CALN1: variants seen among roughly 807,000 people sequenced by gnomAD.
CALN1 encodes the protein calneuron 1.
In CALN1, 17 loss-of-function variants were observed where a neutral mutation model predicts 30.6. That is an observed-to-expected ratio of 0.56 (90% CI 0.38 to 0.83). The LOEUF (loss-of-function observed/expected upper bound fraction) is 0.83, where lower values mean the gene tolerates loss of function less well. Among genes scored for constraint, CALN1 ranks in the 40% least tolerant of loss-of-function variants. CALN1 has a pLI of 0.00. For missense variants in CALN1, 291 were observed against 354.9 expected (o/e 0.82, Z 1.45); for synonymous variants, 156 against 131.4 (o/e 1.19, Z -1.28).
intron 3 of CALN1, among the ~76,000 whole-genome samples, chr7:72,196,592 G>A (rs1207193030): frequency 6.6e-6 from 1 of 152,194 alleles, no homozygotes. Context: ...GTCATATGTA[G>A]ATTCAAATAT....
chr7:72,142,570 C>T (rs536848559), intron 3 of CALN1, among the ~76,000 whole-genome samples: 248 of 152,314 alleles, frequency 1.6e-3, no homozygotes, highest in Admixed American at 4.1e-3. Context: ...CCGAACAAAA[C>T]GCAGCAGAAA....
rs111688183 is a variant in CALN1, at chr7:71,993,948, A to G, written c.501+29709T>C. On this transcript the variant is annotated intron_variant, in intron 5 of 6. Transcript: ENST00000395275. ...AGCATTTTTACTACAAAAAATGTTG[A>G]ATTATACGACTGAAATTTAAATGTT... 3.2e-3 allele frequency among the ~76,000 whole-genome samples: 485 copies of G among 152,292 alleles called. 4 individuals are homozygous for G. The highest frequency in any genetic ancestry group is 0.011 in the African/African-American group (465 of 41,556).
chr7:72,247,973 A>C (rs1412804409), intron 3 of CALN1, among the ~76,000 whole-genome samples: 1 of 152,150 alleles, frequency 6.6e-6, no homozygotes, highest in Non-Finnish European at 1.5e-5. Flanking sequence ...CTCCAGCCTG[A>C]GCAACACAGT....
chr7:72,359,603 G>C (rs1301426981), intron 2 of CALN1, among the ~76,000 whole-genome samples: 1 of 151,958 alleles, frequency 6.6e-6, no homozygotes, highest in Non-Finnish European at 1.5e-5. Flanking sequence ...CACTATTCCT[G>C]ACAAAAAAGA....
the CALN1 span, among the ~76,000 whole-genome samples, chr7:72,488,297 G>A: frequency 1.3e-5 from 2 of 152,106 alleles, no homozygotes; most frequent in African/African-American, 4.8e-5. Flanking sequence ...CTTGAGCCCA[G>A]GAAGTTGAGG....
Position 72,235,275 on chromosome 7 carries a change from A to AAAATAAAT in CALN1, c.244+43403_244+43410dup, listed in dbSNP as rs151162451. Among the ~76,000 whole-genome samples, 1,466 of 151,634 alleles carry AAAATAAAT rather than the reference A, an allele frequency of 9.7e-3. 24 individuals are homozygous for AAAATAAAT. Among genetic ancestry groups the AAAATAAAT allele is most frequent in the African/African-American group, 0.033 (1,362 of 41,082 alleles). On this transcript the variant is annotated intron_variant, in intron 3 of 6. Coordinates refer to ENST00000395275, the MANE Select transcript of CALN1 (RefSeq NM_031468.4). ...GATGACACAGTGAGACTCTGTCTCA[A>AAAATAAAT]AAATAAATAAATAAATAAATAAATA... is the stretch of plus-strand genomic sequence containing the variant.
intron 2 of CALN1, chr7:72,336,843 C>T: frequency 1.0e-6 from 1 of 985,116 alleles, no homozygotes; most frequent in Non-Finnish European, 1.2e-6. Context: ...TCGCTCACAC[C>T]CCCAGCAGGC....
At chr7:71,977,070 G>GAGTT in intron 5 of CALN1, among the ~76,000 whole-genome samples, 1 of 152,186 alleles carries the variant, frequency 6.6e-6, no homozygotes. Flanking sequence ...GTCTGCTTAT[G>GAGTT]AGTTGACTTT....
At chr7:72,128,589 G>T (rs941394206) in intron 3 of CALN1, among the ~76,000 whole-genome samples, 1 of 152,092 alleles carries the variant, frequency 6.6e-6, no homozygotes, top group African/African-American at 2.4e-5. Flanking sequence ...TCTTAAAACG[G>T]GCCAGGTGCA....
intron 3 of CALN1, among the ~76,000 whole-genome samples, chr7:72,267,405 G>C (rs1457127909): frequency 1.3e-5 from 2 of 152,186 alleles, no homozygotes; most frequent in Non-Finnish European, 2.9e-5. Flanking sequence ...CTCTCAGTAA[G>C]GAGCACTCTG....
intron 1 of CALN1, among the ~76,000 whole-genome samples, chr7:72,428,708 TAGA>T (rs1807874919): frequency 6.6e-6 from 1 of 152,156 alleles, no homozygotes; most frequent in Non-Finnish European, 1.5e-5. Context: ...GCTAGAAAAC[TAGA>T]AGGATGGTCT....
At chr7:72,237,165 G>A (rs1017792124) in intron 3 of CALN1, among the ~76,000 whole-genome samples, 3 of 151,934 alleles carry the variant, frequency 2.0e-5, no homozygotes, top group African/African-American at 7.3e-5. Context: ...TCTATTTTTA[G>A]TAGAGACGGC....
At chr7:71,898,135 G>A (rs1266620556) in intron 5 of CALN1, among the ~76,000 whole-genome samples, 1 of 151,776 alleles carries the variant, frequency 6.6e-6, no homozygotes, top group Non-Finnish European at 1.5e-5. Context: ...TTCGAGACCA[G>A]CCTGGCCAAC....
chr7:72,447,972 G>T (rs544462220), upstream of CALN1, among the ~76,000 whole-genome samples: 207 of 147,480 alleles, frequency 1.4e-3, 2 homozygotes, highest in South Asian at 1.8e-3. Context: ...ACACATGCCT[G>T]CCCATGCACA....
chr7:72,490,421 C>A, the CALN1 span, among the ~76,000 whole-genome samples: 4 of 152,168 alleles, frequency 2.6e-5, no homozygotes, highest in South Asian at 8.3e-4. Context: ...ATCTCCTCTG[C>A]CATTTACCCA....
At chr7:71,807,196 G>T (rs2116150416) in intron 6 of CALN1, among the ~76,000 whole-genome samples, 1 of 152,272 alleles carries the variant, frequency 6.6e-6, no homozygotes, top group Non-Finnish European at 1.5e-5. Context: ...GAAGGGAAAG[G>T]TTCAAAATGC....
intron 5 of CALN1, among the ~76,000 whole-genome samples, chr7:71,833,421 T>C (rs1468767970): frequency 6.6e-6 from 1 of 151,848 alleles, no homozygotes; most frequent in Non-Finnish European, 1.5e-5. Context: ...TGGAGGAAAA[T>C]CCTCACTTAT....
At chr7:72,216,657 T>C (rs1486316043) in intron 3 of CALN1, among the ~76,000 whole-genome samples, 1 of 152,122 alleles carries the variant, frequency 6.6e-6, no homozygotes, top group Non-Finnish European at 1.5e-5. Flanking sequence ...AGAACAGTTA[T>C]TGAACCAGAT....
chr7:72,099,385 C>T (rs1441146708), intron 4 of CALN1, among the ~76,000 whole-genome samples: 1 of 148,636 alleles, frequency 6.7e-6, no homozygotes, highest in African/African-American at 2.5e-5. Flanking sequence ...CAAAGAGAAA[C>T]TTAATTAGGT....
Sources: allele counts gnomAD v4.1 joint callset (sites outside exome capture counted in the v4.1 genomes callset), GRCh38; gene constraint gnomAD v4.1.1; transcripts MANE v1.5; gene names NCBI Gene and HGNC (gene_info 2026-07-23, HGNC 2026-07-21).